Variants in SEMA3D observed in about 807,000 individuals in gnomAD.
SEMA3D encodes semaphorin-3D.
A neutral mutation model predicts 100.1 loss-of-function variants in SEMA3D; 84 were observed. The ratio of observed to expected loss-of-function variants is 0.84; its 90% CI spans 0.70 to 1.01. The LOEUF (loss-of-function observed/expected upper bound fraction) is 1.01. Among genes scored for constraint, SEMA3D ranks in the 50% least tolerant of loss-of-function variants. The probability of loss-of-function intolerance (pLI) is 0.00; values close to 1 mark genes in which losing one functional copy is unlikely to be tolerated. For missense variants in SEMA3D, 875 were observed against 934.1 expected (o/e 0.94, Z 0.82); for synonymous variants, 312 against 320.7 (o/e 0.97, Z 0.29).
rs184329435 is a variant in SEMA3D at position 85,094,025 on chromosome 7, G to A, written c.312+3780C>T. On this transcript the variant is annotated intron_variant, in intron 4 of 18. Coordinates refer to ENST00000284136, the MANE Select transcript of SEMA3D (RefSeq NM_001384900.1). ...TTTCAAGAATGAAGAGCAGTGAAAT[G>A]AGCAAGAAAGTGAAATCCAGGAAGT... 6.6e-5 allele frequency among the ~76,000 whole-genome samples: 10 copies of A among 152,120 alleles called. 2 individuals are homozygous for A. The highest frequency in any genetic ancestry group is 2.4e-4 in the African/African-American group (10 of 41,526).
chr7:85,237,184 T>G, the SEMA3D span, among the ~76,000 whole-genome samples: 3 of 152,212 alleles, frequency 2.0e-5, no homozygotes, highest in African/African-American at 7.2e-5. Context: ...AACATACAGT[T>G]AGAATTCCCA....
At chr7:85,075,941 T>C (rs1198234760) in intron 5 of SEMA3D, among the ~76,000 whole-genome samples, 1 of 152,230 alleles carries the variant, frequency 6.6e-6, no homozygotes, top group East Asian at 1.9e-4. Flanking sequence ...ACACAAAGTT[T>C]CAAAGATTTG....
chr7:85,186,164 C>A (rs569595257), intron 1 of SEMA3D, among the ~76,000 whole-genome samples: 2 of 152,302 alleles, frequency 1.3e-5, no homozygotes, highest in South Asian at 2.1e-4. Context: ...TCTCCCAGAC[C>A]AACAAGGAAA....
At position 85,000,199 on chromosome 7, in the gene SEMA3D, CCTT is replaced by C. The variant is rs1484691457; in HGVS notation, c.1909-337_1909-335del. Among the ~76,000 whole-genome samples, 5 of 152,144 alleles carry C rather than the reference CCTT, an allele frequency of 3.3e-5. No individual in the cohort carries two copies. The East Asian group carries it at 9.7e-4, about 29-fold the overall frequency. On this transcript the variant is annotated intron_variant, in intron 18 of 18. Coordinates refer to ENST00000284136, the MANE Select transcript of SEMA3D (RefSeq NM_001384900.1). ...TGAAAAACTGGAAACCATCAAGTGG[CCTT>C]CTTTACAGAGATTTCATATACAAAT...
chr7:85,173,634 G>T (rs1791146023), intron 1 of SEMA3D, among the ~76,000 whole-genome samples: 1 of 152,126 alleles, frequency 6.6e-6, no homozygotes, highest in East Asian at 1.9e-4. Flanking sequence ...AATATGCATA[G>T]TCTGTTTAAG....
At chr7:85,159,811 T>C (rs1406839803) in intron 1 of SEMA3D, 1 of 983,088 alleles carries the variant, frequency 1.0e-6, no homozygotes, top group Non-Finnish European at 1.2e-6. Flanking sequence ...CTAATACCAG[T>C]GCATACTCTT....
At chr7:85,143,315 T>C (rs1477248723) in intron 2 of SEMA3D, 1 of 385,866 alleles carries the variant, frequency 2.6e-6, no homozygotes, top group Non-Finnish European at 3.5e-6. Context: ...ACAGTCATGC[T>C]TTAACAATGA....
Position 84,996,603 on chromosome 7 carries a change from T to G in SEMA3D, c.*2837A>C, listed in dbSNP as rs935489665. ...CATTTCTAAATAAAATCTCAAAATTTACAATAAGTTGAATGTAAATGAATG... is the reference window on the plus strand; with the variant it reads ...CATTTCTAAATAAAATCTCAAAATTGACAATAAGTTGAATGTAAATGAATG... On this transcript the variant is annotated 3_prime_UTR_variant, in exon 19 of 19. Coordinates refer to ENST00000284136, the MANE Select transcript of SEMA3D (RefSeq NM_001384900.1). 2.0e-5 allele frequency: 3 copies of G among 152,436 alleles called. No homozygotes were observed. The highest frequency in any genetic ancestry group is 7.2e-5 in the African/African-American group (3 of 41,446). 9.4% of individuals were successfully genotyped at this position (152,436 alleles called of 1,614,324 possible).
chr7:85,066,113 G>A, intron 7 of SEMA3D, among the ~76,000 whole-genome samples: 1 of 152,116 alleles, frequency 6.6e-6, no homozygotes. Flanking sequence ...TGATAAACAG[G>A]AATTCTTGAA....
At chr7:85,161,311 T>C (rs939284643) in intron 1 of SEMA3D, among the ~76,000 whole-genome samples, 1 of 152,050 alleles carries the variant, frequency 6.6e-6, no homozygotes, top group Non-Finnish European at 1.5e-5. Flanking sequence ...GGTTTGCAAA[T>C]TAATATTTTA....
At chr7:85,047,197 C>T (rs1791032618) in intron 9 of SEMA3D, among the ~76,000 whole-genome samples, 1 of 151,706 alleles carries the variant, frequency 6.6e-6, no homozygotes, top group South Asian at 2.1e-4. Context: ...CCACAATTTG[C>T]AATCCTTCAG....
chr7:85,217,471 A>G, the SEMA3D span, among the ~76,000 whole-genome samples: 1 of 152,084 alleles, frequency 6.6e-6, no homozygotes, highest in South Asian at 2.1e-4. Context: ...ATAATTAAGC[A>G]ACTAAGATAT....
chr7:85,120,265 T>A (rs1789370310), intron 3 of SEMA3D, among the ~76,000 whole-genome samples: 1 of 152,154 alleles, frequency 6.6e-6, no homozygotes, highest in Non-Finnish European at 1.5e-5. Context: ...AGCCTAAACC[T>A]TACCAAAACT....
chr7:85,117,081 A>G (rs1789264390), intron 3 of SEMA3D, among the ~76,000 whole-genome samples: 1 of 152,288 alleles, frequency 6.6e-6, no homozygotes, highest in East Asian at 1.9e-4. Flanking sequence ...ATACTCTGGA[A>G]CTAATACCAT....
chr7:85,201,796 G>T, the SEMA3D span, among the ~76,000 whole-genome samples: 3 of 151,726 alleles, frequency 2.0e-5, no homozygotes, highest in Non-Finnish European at 4.4e-5. Context: ...ATGCAATCAG[G>T]GCTCACTGCA....
intron 9 of SEMA3D, among the ~76,000 whole-genome samples, chr7:85,054,621 A>G (rs963123645): frequency 6.6e-6 from 1 of 152,148 alleles, no homozygotes; most frequent in Non-Finnish European, 1.5e-5. Flanking sequence ...CCATGTTTTC[A>G]TTAGCACTTT....
the SEMA3D span, among the ~76,000 whole-genome samples, chr7:85,232,670 G>C: frequency 6.6e-6 from 1 of 152,010 alleles, no homozygotes; most frequent in African/African-American, 2.4e-5. Context: ...GAAAGACTTA[G>C]GCTTCTCCTG....
In SEMA3D at chr7:85,149,307, G is replaced by C. The variant is rs567159454; in HGVS notation, c.-41+4301C>G. Reference sequence around the variant, plus strand: ...AAATAAATAAGTAAAAATACAAAAAGTTAGCCAGGCATGGTGGCACGTGCC... The same window carrying C: ...AAATAAATAAGTAAAAATACAAAAACTTAGCCAGGCATGGTGGCACGTGCC... On this transcript the variant is annotated intron_variant, in intron 2 of 18. Transcript: ENST00000284136. Among the ~76,000 whole-genome samples, 18 of 150,926 alleles carry C rather than the reference G, an allele frequency of 1.2e-4. No homozygotes were observed. In the South Asian group the frequency reaches 3.2e-3, roughly 27 times the overall value.
intron 2 of SEMA3D, chr7:85,144,521 C>T (rs1790145479): frequency 1.0e-6 from 1 of 983,598 alleles, no homozygotes; most frequent in Non-Finnish European, 1.2e-6. Context: ...TATTTTTTGC[C>T]TTATGCTTCA....
Sources: allele counts gnomAD v4.1 joint callset (sites outside exome capture counted in the v4.1 genomes callset), GRCh38; gene constraint gnomAD v4.1.1; transcripts MANE v1.5; gene names NCBI Gene and HGNC (gene_info 2026-07-23, HGNC 2026-07-21).